The following PCSK2 variants were observed in gnomAD, a reference collection of about 807,000 sequenced individuals.
PCSK2 encodes neuroendocrine convertase 2.
Under a neutral mutation model 69.7 loss-of-function variants are expected in PCSK2, and 14 were observed. That is an observed-to-expected ratio of 0.20 (90% CI 0.13 to 0.31). PCSK2 has a LOEUF of 0.31. Among genes scored for constraint, PCSK2 ranks in the 10% least tolerant of loss-of-function variants. The pLI is 1.00. For synonymous variants in PCSK2, 307 were observed against 320.7 expected (o/e 0.96, Z 0.46); for missense variants, 544 against 842.5 (o/e 0.65, Z 4.39).
intron 2 of PCSK2, among the ~76,000 whole-genome samples, chr20:17,352,235 T>C (rs923662364): frequency 5.3e-5 from 8 of 152,256 alleles, no homozygotes; most frequent in Admixed American, 1.3e-4. Context: ...TCTATGCTCA[T>C]GGATTGGAAG....
chr20:17,453,340 T>C lies in PCSK2; in HGVS notation c.886-402T>C, dbSNP rs1306192299. Among the ~76,000 whole-genome samples the C allele has an allele frequency of 6.6e-6, 1 of 152,320 alleles. No individual in the cohort carries two copies. Among genetic ancestry groups the C allele is most frequent in the South Asian group, 2.1e-4 (1 of 4,832 alleles). On this transcript the variant is annotated intron_variant, in intron 8 of 11. Transcript: ENST00000262545. This position sits in a 1 kb window ranked among gnomAD's most constrained non-coding sequence, Gnocchi z 4.0. ...TTTTCACTAAAAAATGTCTGATACA[T>C]AAAGAGATGTAAGAATGAGATAATA...
chr20:17,429,417 CT>C lies in PCSK2; in HGVS notation c.621-15del. On this transcript the variant is annotated splice_polypyrimidine_tract_variant and intron_variant, in intron 6 of 11. Transcript: ENST00000262545. ...TCGTTTCACTGCATATCTAATGTGT[CT>C]TTATATTTTTCCAAAGCCACGGGAC... 3.1e-6 allele frequency: 5 copies of C among 1,603,086 alleles called. No homozygotes were observed. Among genetic ancestry groups the C allele is most frequent in the Non-Finnish European group, 4.3e-6 (5 of 1,169,984 alleles).
intron 1 of PCSK2, among the ~76,000 whole-genome samples, chr20:17,245,366 C>A (rs959658982): frequency 6.6e-6 from 1 of 152,204 alleles, no homozygotes; most frequent in East Asian, 1.9e-4. Context: ...ACACTTTATA[C>A]GACCTTGCCA....
At chr20:17,312,661 C>A (rs568902915) in intron 2 of PCSK2, among the ~76,000 whole-genome samples, 52 of 152,108 alleles carry the variant, frequency 3.4e-4, no homozygotes, top group South Asian at 3.1e-3. Context: ...GGGGCCAGGT[C>A]AGATGATTTT....
rs1987401253 is a variant in PCSK2 at position 17,261,883 on chromosome 20, C to T, written c.282+1539C>T. On this transcript the variant is annotated intron_variant, in intron 2 of 11. Transcript: ENST00000262545. ...CTTAAAAGTCCCATTGGCTACTCTT[C>T]TTCCACGATTAAAGGCGTTGCTCCA... is the stretch of plus-strand genomic sequence containing the variant. Among the ~76,000 whole-genome samples the T allele has an allele frequency of 8.5e-5, 13 of 152,328 alleles. 1 individual carries two copies. The South Asian group carries it at 2.7e-3, about 32-fold the overall frequency.
At chr20:17,431,997 A>AG (rs764580444) in intron 7 of PCSK2, among the ~76,000 whole-genome samples, 1 of 152,074 alleles carries the variant, frequency 6.6e-6, no homozygotes, top group African/African-American at 2.4e-5. Flanking sequence ...GTTACAGGTT[A>AG]GGGGGGCGCC....
At chr20:17,286,869 T>C (rs1327462523) in intron 2 of PCSK2, among the ~76,000 whole-genome samples, 1 of 152,106 alleles carries the variant, frequency 6.6e-6, no homozygotes, top group African/African-American at 2.4e-5. Context: ...AGCAATAGGG[T>C]GTATACATAC....
rs1226202249 is a variant in PCSK2, at chr20:17,483,921, CT to C, written c.*1852del. On this transcript the variant is annotated 3_prime_UTR_variant, in exon 12 of 12. Transcript: ENST00000262545. ...ACAGAAATATATATACATATGTAGA[CT>C]ATATACATGTGTGTATATATGTGTA... is the stretch of plus-strand genomic sequence containing the variant. 6.6e-6 allele frequency: 1 copy of C among 152,328 alleles called. No individual in the cohort carries two copies. The highest frequency in any genetic ancestry group is 1.5e-5 in the Non-Finnish European group (1 of 67,986). 9.4% of individuals were successfully genotyped at this position (152,328 alleles called of 1,614,324 possible).
intron 6 of PCSK2, among the ~76,000 whole-genome samples, chr20:17,409,727 T>C (rs1318631430): frequency 6.6e-6 from 1 of 152,252 alleles, no homozygotes; most frequent in East Asian, 1.9e-4. Flanking sequence ...AAAAGCATTC[T>C]GTACGCTTTC....
chr20:17,409,961 T>A (rs557538346), intron 6 of PCSK2, among the ~76,000 whole-genome samples: 6 of 152,232 alleles, frequency 3.9e-5, no homozygotes, highest in Non-Finnish European at 8.8e-5. Context: ...TAATTACATA[T>A]AAGAGATATG....
At position 17,451,305 on chromosome 20, in the gene PCSK2, T is replaced by C. The variant is rs140760874; in HGVS notation, c.886-2437T>C. Among the ~76,000 whole-genome samples the C allele has an allele frequency of 2.1e-3, 321 of 152,246 alleles. 2 individuals carry two copies. Among genetic ancestry groups the C allele is most frequent in the African/African-American group, 7.2e-3 (301 of 41,542 alleles). On this transcript the variant is annotated intron_variant, in intron 8 of 11. Coordinates refer to ENST00000262545, the MANE Select transcript of PCSK2 (RefSeq NM_002594.5). ...AAAACTCAGTAGCTTAAAATAACAA[T>C]CATTTAATTTTGCTCTTGGGTCTAC...
chr20:17,284,674 G>A (rs1988450670), intron 2 of PCSK2, among the ~76,000 whole-genome samples: 1 of 152,178 alleles, frequency 6.6e-6, no homozygotes, highest in Admixed American at 6.5e-5. Context: ...GATGTGCATG[G>A]CAAATCAATA....
chr20:17,403,166 A>C (rs2031681300), intron 5 of PCSK2, among the ~76,000 whole-genome samples: 1 of 152,248 alleles, frequency 6.6e-6, no homozygotes, highest in Admixed American at 6.5e-5. Flanking sequence ...GTGTCACTAG[A>C]AAATTATATG....
At chr20:17,404,808 C>T (rs2031717824) in intron 5 of PCSK2, among the ~76,000 whole-genome samples, 2 of 152,372 alleles carry the variant, frequency 1.3e-5, no homozygotes, top group South Asian at 2.1e-4. Context: ...GATTGGCAAA[C>T]TCTTTCCGAT....
intron 3 of PCSK2, among the ~76,000 whole-genome samples, chr20:17,359,578 A>C (rs1293041191): frequency 6.6e-6 from 1 of 152,226 alleles, no homozygotes; most frequent in Non-Finnish European, 1.5e-5. Context: ...CCTGGATGTG[A>C]AAAAATGGCA....
chr20:17,353,467 A>C lies in PCSK2; in HGVS notation c.283-4860A>C, dbSNP rs201731730. ...TGACAGAGCAAGACTCCATCACACAAAAAAAAAAAAAAAGTCAAAAAATAG... is the reference window on the plus strand; with the variant it reads ...TGACAGAGCAAGACTCCATCACACACAAAAAAAAAAAAAGTCAAAAAATAG... On this transcript the variant is annotated intron_variant, in intron 2 of 11. Transcript: ENST00000262545. Among the ~76,000 whole-genome samples the C allele has an allele frequency of 1.9e-3, 281 of 151,160 alleles. 2 individuals carry two copies. The highest frequency in any genetic ancestry group is 6.1e-3 in the African/African-American group (251 of 41,210).
intron 1 of PCSK2, among the ~76,000 whole-genome samples, chr20:17,241,959 G>A (rs533225514): frequency 2.6e-5 from 4 of 152,286 alleles, no homozygotes; most frequent in African/African-American, 9.6e-5. Flanking sequence ...TAGAAAGAAA[G>A]TTTGTGAGTG....
chr20:17,334,673 C>T (rs1203152291), intron 2 of PCSK2, among the ~76,000 whole-genome samples: 1 of 152,124 alleles, frequency 6.6e-6, no homozygotes, highest in Non-Finnish European at 1.5e-5. Context: ...AGAACAACAC[C>T]TGGAAGAAAA....
At chr20:17,232,879 A>C (rs1238765214) in intron 1 of PCSK2, among the ~76,000 whole-genome samples, 1 of 152,176 alleles carries the variant, frequency 6.6e-6, no homozygotes, top group African/African-American at 2.4e-5. Context: ...GTTCTTCTGG[A>C]ACTAAAAGAT....
Sources: allele counts gnomAD v4.1 joint callset (sites outside exome capture counted in the v4.1 genomes callset), GRCh38; gene constraint gnomAD v4.1.1; non-coding constraint Gnocchi (gnomAD v3.1); transcripts MANE v1.5; gene names NCBI Gene and HGNC (gene_info 2026-07-23, HGNC 2026-07-21).